The following NDFIP2 variants were observed in gnomAD, a reference collection of about 807,000 sequenced individuals.
NDFIP2 encodes NEDD4 family-interacting protein 2.
In NDFIP2, 19 loss-of-function variants were observed where a neutral mutation model predicts 36.0. That is an observed-to-expected ratio of 0.53 (90% CI 0.37 to 0.77). The LOEUF is 0.77. Among genes scored for constraint, NDFIP2 ranks in the 30% least tolerant of loss-of-function variants. The pLI, the probability that NDFIP2 is intolerant of heterozygous loss-of-function variation, is 0.00. For synonymous variants in NDFIP2, 181 were observed against 167.7 expected, an observed-to-expected ratio of 1.08 and a Z score of -0.61; for missense variants, 446 against 435.8, an observed-to-expected ratio of 1.02 and a Z score of -0.21.
At chr13:79,550,654 A>G (rs1249201951) in intron 6 of NDFIP2, among the ~76,000 whole-genome samples, 1 of 151,512 alleles carries the variant, frequency 6.6e-6, no homozygotes, top group African/African-American at 2.4e-5. Flanking sequence ...CAGTAGTTAT[A>G]TTAATTGAAA....
At chr13:79,521,510 AACTT>A (rs956858205) in intron 2 of NDFIP2, among the ~76,000 whole-genome samples, 14 of 152,170 alleles carry the variant, frequency 9.2e-5, no homozygotes, top group African/African-American at 3.1e-4. Context: ...AATTCTAAAT[AACTT>A]CTCTAAATAT....
intron 1 of NDFIP2, among the ~76,000 whole-genome samples, chr13:79,504,532 CAT>C (rs1431487414): frequency 1.3e-5 from 2 of 152,002 alleles, no homozygotes; most frequent in Non-Finnish European, 2.9e-5. Context: ...ACTAATGTCA[CAT>C]AGCAAAAGAA....
At chr13:79,544,164 A>G (rs1383053551) in intron 5 of NDFIP2, among the ~76,000 whole-genome samples, 1 of 152,206 alleles carries the variant, frequency 6.6e-6, no homozygotes, top group Non-Finnish European at 1.5e-5. Context: ...TAGTCACATT[A>G]TCATGACCTT....
At chr13:79,545,076 TA>T (rs1594860071) in intron 5 of NDFIP2, among the ~76,000 whole-genome samples, 1 of 152,116 alleles carries the variant, frequency 6.6e-6, no homozygotes. Flanking sequence ...AAATTATTAT[TA>T]AAAAAACCTC....
intron 4 of NDFIP2, among the ~76,000 whole-genome samples, chr13:79,541,218 C>T (rs1413014902): frequency 6.6e-6 from 1 of 151,714 alleles, no homozygotes; most frequent in Non-Finnish European, 1.5e-5. Flanking sequence ...TTATTTGACA[C>T]CTTCTAATTA....
chr13:79,508,374 A>G (rs530770486), intron 1 of NDFIP2, among the ~76,000 whole-genome samples: 3 of 152,348 alleles, frequency 2.0e-5, no homozygotes, highest in South Asian at 4.1e-4. Flanking sequence ...GGGTGAGTCC[A>G]TAGAGTAAAG....
intron 1 of NDFIP2, among the ~76,000 whole-genome samples, chr13:79,511,708 C>T (rs1167446815): frequency 6.6e-6 from 1 of 152,118 alleles, no homozygotes; most frequent in Non-Finnish European, 1.5e-5. Flanking sequence ...ATTCTATGCC[C>T]TAAACTCTGC....
chr13:79,517,530 A>G (rs998441627), intron 1 of NDFIP2, among the ~76,000 whole-genome samples: 2 of 152,234 alleles, frequency 1.3e-5, no homozygotes, highest in African/African-American at 4.8e-5. Flanking sequence ...GCCGGCAAAG[A>G]TATCAAAATT....
At chr13:79,513,325 T>C (rs1210964664) in intron 1 of NDFIP2, among the ~76,000 whole-genome samples, 1 of 152,182 alleles carries the variant, frequency 6.6e-6, no homozygotes, top group Non-Finnish European at 1.5e-5. Context: ...CCAGCAAATA[T>C]TCAAAAAGTT....
At chr13:79,486,928 C>T (rs1281838961) in intron 1 of NDFIP2, among the ~76,000 whole-genome samples, 3 of 152,108 alleles carry the variant, frequency 2.0e-5, no homozygotes, top group Non-Finnish European at 4.4e-5. Flanking sequence ...GCTATATATA[C>T]CATCTAGATT....
intron 3 of NDFIP2, among the ~76,000 whole-genome samples, chr13:79,536,242 A>G (rs1049501047): frequency 1.1e-4 from 16 of 152,204 alleles, no homozygotes; most frequent in Admixed American, 1.0e-3. Flanking sequence ...TCATCTTATA[A>G]TGGGTAGGGC....
At chr13:79,515,040 C>A (rs1013064769) in intron 1 of NDFIP2, among the ~76,000 whole-genome samples, 1 of 152,100 alleles carries the variant, frequency 6.6e-6, no homozygotes, top group African/African-American at 2.4e-5. Flanking sequence ...GGGTGAACAT[C>A]GTAGACTAAT....
At chr13:79,509,167 T>G (rs1346026238) in intron 1 of NDFIP2, among the ~76,000 whole-genome samples, 2 of 152,156 alleles carry the variant, frequency 1.3e-5, no homozygotes, top group African/African-American at 4.8e-5. Context: ...CCTGACAACA[T>G]GTGCTCAGGG....
chr13:79,535,553 G>A (rs1172376620), intron 3 of NDFIP2, among the ~76,000 whole-genome samples: 1 of 152,146 alleles, frequency 6.6e-6, no homozygotes, highest in East Asian at 1.9e-4. Flanking sequence ...CAGCTTGTGA[G>A]CATTGTGGAA....
chr13:79,550,049 C>G (rs1875843336), intron 6 of NDFIP2, among the ~76,000 whole-genome samples: 1 of 151,764 alleles, frequency 6.6e-6, no homozygotes, highest in South Asian at 2.1e-4. Context: ...TTCACAAACT[C>G]CTTTTCCTCC....
intron 1 of NDFIP2, among the ~76,000 whole-genome samples, chr13:79,505,727 G>C (rs1443177272): frequency 6.6e-6 from 1 of 151,568 alleles, no homozygotes. Flanking sequence ...TGAATATACA[G>C]TGTGGCTAAT....
intron 5 of NDFIP2, among the ~76,000 whole-genome samples, chr13:79,547,062 A>G (rs1045268665): frequency 6.6e-6 from 1 of 151,964 alleles, no homozygotes; most frequent in Non-Finnish European, 1.5e-5. Context: ...AAATTACTAT[A>G]AAATTTAAAA....
chr13:79,506,230 A>G (rs898076507), intron 1 of NDFIP2, among the ~76,000 whole-genome samples: 2 of 152,194 alleles, frequency 1.3e-5, no homozygotes, highest in African/African-American at 4.8e-5. Flanking sequence ...GTAAGCAACC[A>G]TGTTACCTAT....
At chr13:79,536,013 A>C (rs971422826) in intron 3 of NDFIP2, among the ~76,000 whole-genome samples, 4 of 151,226 alleles carry the variant, frequency 2.6e-5, no homozygotes, top group Admixed American at 1.3e-4. Context: ...TCCTAAATCA[A>C]CTCTCACTGG....
Sources: gnomAD v4.1 joint callset for allele counts (sites outside exome capture counted in the v4.1 genomes callset) on GRCh38, gnomAD v4.1.1 for gene constraint, MANE v1.5 for transcripts, NCBI Gene and HGNC (gene_info 2026-07-23, HGNC 2026-07-21) for gene names.